KLRF1: variants seen among roughly 807,000 people sequenced by gnomAD.
The protein encoded by KLRF1 is killer cell lectin-like receptor subfamily F member 1.
Under a neutral mutation model 30.7 loss-of-function variants are expected in KLRF1, and 27 were observed. The ratio of observed to expected loss-of-function variants is 0.88; its 90% CI spans 0.65 to 1.21. The LOEUF is 1.21. Ranked by LOEUF, KLRF1 falls within the 50% of genes most tolerant of loss-of-function variation. The pLI is 0.00. For missense variants in KLRF1, 246 were observed against 259.3 expected (o/e 0.95, Z 0.35); for synonymous variants, 92 against 89.3 (o/e 1.03, Z -0.17).
the KLRF1 span, among the ~76,000 whole-genome samples, chr12:9,813,721 A>G: frequency 0.52 from 78,688 of 152,056 alleles, 22,705 homozygotes; most frequent in Admixed American, 0.65. Flanking sequence ...GAGGCAGGAA[A>G]GAGACAGAGG....
At chr12:9,842,163 G>A (rs1867716910) in intron 4 of KLRF1, 158 bp from the exon 5 acceptor site, 3 of 814,570 alleles carry the variant, frequency 3.7e-6, no homozygotes, top group Admixed American at 2.9e-5. Context: ...GTGTGTGTGT[G>A]TAACATATAT....
chr12:9,818,100 C>T, the KLRF1 span: 5 of 188,062 alleles, frequency 2.7e-5, no homozygotes, highest in African/African-American at 1.2e-4. Flanking sequence ...CTCATCGTCA[C>T]TGCTTATTTA....
the KLRF1 span, chr12:9,817,552 G>T: frequency 2.9e-6 from 1 of 344,212 alleles, no homozygotes; most frequent in Non-Finnish European, 5.9e-6. Context: ...GGGACTTTGC[G>T]CTTATGAGTC....
chr12:9,811,491 C>T, the KLRF1 span, among the ~76,000 whole-genome samples: 1 of 152,062 alleles, frequency 6.6e-6, no homozygotes, highest in African/African-American at 2.4e-5. Context: ...AGGGAAGAAG[C>T]TCATGCAGAG....
upstream of KLRF1, among the ~76,000 whole-genome samples, chr12:9,825,917 T>C (rs1565502264): frequency 6.6e-6 from 1 of 152,156 alleles, no homozygotes; most frequent in Non-Finnish European, 1.5e-5. Flanking sequence ...TTCTTATCCA[T>C]TTGGAGTGTC....
chr12:9,816,033 G>A, the KLRF1 span, among the ~76,000 whole-genome samples: 4 of 152,130 alleles, frequency 2.6e-5, no homozygotes, highest in African/African-American at 4.8e-5. Context: ...GGTCAGGCTG[G>A]TCTCGAACTC....
the KLRF1 span, among the ~76,000 whole-genome samples, chr12:9,806,477 C>T: frequency 6.6e-6 from 1 of 152,068 alleles, no homozygotes; most frequent in Non-Finnish European, 1.5e-5. Context: ...TATCATTTTA[C>T]AGACTTTTAC....
chr12:9,842,088 A>C lies in KLRF1; in HGVS notation c.474+137A>C. The C allele has an allele frequency of 3.9e-6, 4 of 1,015,252 alleles. No homozygotes were observed. The South Asian group carries it at 6.5e-5, about 17-fold the overall frequency. 62.9% of individuals were successfully genotyped at this position (1,015,252 alleles called of 1,614,324 possible). On this transcript the variant is annotated intron_variant, in intron 4 of 5. Coordinates refer to ENST00000617889, the MANE Select transcript of KLRF1 (RefSeq NM_016523.3). ...GGCACCCTCTTAAATTTTGTATTCC[A>C]AGTGAGTGCCTCACTTCTCATGCTA...
chr12:9,811,434 C>T, the KLRF1 span, among the ~76,000 whole-genome samples: 1 of 151,460 alleles, frequency 6.6e-6, no homozygotes, highest in Non-Finnish European at 1.5e-5. Flanking sequence ...GTTTCACCTT[C>T]ACTCATTCTG....
chr12:9,804,719 C>T, the KLRF1 span, among the ~76,000 whole-genome samples: 1,310 of 152,022 alleles, frequency 8.6e-3, 67 homozygotes, highest in Admixed American at 0.074. Flanking sequence ...TGTTCCTGAT[C>T]TTATAGGGAA....
chr12:9,829,937 A>G (rs1403553681), intron 1 of KLRF1, among the ~76,000 whole-genome samples: 1 of 152,162 alleles, frequency 6.6e-6, no homozygotes, highest in Admixed American at 6.6e-5. Context: ...ATTCAGGCTC[A>G]CTCACCACAA....
the KLRF1 span, among the ~76,000 whole-genome samples, chr12:9,804,516 CAG>C: frequency 5.3e-5 from 8 of 151,964 alleles, no homozygotes; most frequent in Non-Finnish European, 1.0e-4. Flanking sequence ...ATTTCTAAAA[CAG>C]ATTATGAAGA....
At chr12:9,802,537 A>G in the KLRF1 span, among the ~76,000 whole-genome samples, 1 of 152,112 alleles carries the variant, frequency 6.6e-6, no homozygotes, top group Non-Finnish European at 1.5e-5. Context: ...GGAATAGAGG[A>G]AATAAAATTG....
the KLRF1 span, among the ~76,000 whole-genome samples, chr12:9,819,895 C>T: frequency 6.6e-6 from 1 of 152,234 alleles, no homozygotes; most frequent in South Asian, 2.1e-4. Flanking sequence ...CAGTTGACAA[C>T]ACGTCTGTAC....
At chr12:9,826,327 T>C (rs1867281764), upstream of KLRF1, among the ~76,000 whole-genome samples, 1 of 152,048 alleles carries the variant, frequency 6.6e-6, no homozygotes, top group Non-Finnish European at 1.5e-5. Context: ...AAAACCACAG[T>C]AAGATACCAT....
At chr12:9,816,853 C>T in the KLRF1 span, among the ~76,000 whole-genome samples, 2 of 151,726 alleles carry the variant, frequency 1.3e-5, no homozygotes, top group African/African-American at 4.8e-5. Flanking sequence ...CCTGCCTCAG[C>T]CTTCCAAGTA....
chr12:9,801,195 G>T, the KLRF1 span, among the ~76,000 whole-genome samples: 1 of 151,976 alleles, frequency 6.6e-6, no homozygotes, highest in Non-Finnish European at 1.5e-5. Context: ...TTTTATGGCT[G>T]CATAGTATTC....
At chr12:9,825,319 A>G (rs1867267349), upstream of KLRF1, among the ~76,000 whole-genome samples, 1 of 151,282 alleles carries the variant, frequency 6.6e-6, no homozygotes, top group African/African-American at 2.4e-5. Context: ...TAATGCAGAC[A>G]CATAGACCAC....
chr12:9,811,148 A>C, the KLRF1 span, among the ~76,000 whole-genome samples: 1 of 151,728 alleles, frequency 6.6e-6, no homozygotes, highest in Non-Finnish European at 1.5e-5. Flanking sequence ...AGCCTCAATG[A>C]AAAGAAGCTG....
Sources: allele counts gnomAD v4.1 joint callset (sites outside exome capture counted in the v4.1 genomes callset), GRCh38; gene constraint gnomAD v4.1.1; transcripts MANE v1.5; gene names NCBI Gene and HGNC (gene_info 2026-07-23, HGNC 2026-07-21).